C12orf43: variants seen among roughly 807,000 people sequenced by gnomAD.
The protein encoded by C12orf43 is chromosome 12 open reading frame 43.
Under a neutral mutation model 20.6 loss-of-function variants are expected in C12orf43, and 15 were observed. The ratio of observed to expected loss-of-function variants is 0.73; its 90% CI spans 0.49 to 1.12. C12orf43 has a LOEUF of 1.12. Ranked by LOEUF, C12orf43 falls within the 50% of genes most tolerant of loss-of-function variation. C12orf43 has a pLI of 0.00. For missense variants in C12orf43, 334 were observed against 344.4 expected (o/e 0.97, Z 0.24); for synonymous variants, 144 against 130.8 (o/e 1.10, Z -0.69).
Position 121,001,034 on chromosome 12 carries a change from G to A in C12orf43, c.*3119C>T, listed in dbSNP as rs1375749907. 1.2e-6 allele frequency: 2 copies of A among 1,611,562 alleles called. No individual in the cohort carries two copies. Among genetic ancestry groups the A allele is most frequent in the Non-Finnish European group, 1.7e-6 (2 of 1,179,708 alleles). ...GGTGGGGTGGGTGTGGGTGCCTGGT[G>A]GGTGGCTAGCAGCCTTGTTTGCCTC... On this transcript the variant is annotated 3_prime_UTR_variant, in exon 6 of 6. Coordinates refer to ENST00000288757, the MANE Select transcript of C12orf43 (RefSeq NM_022895.3).
Position 121,002,434 on chromosome 12 carries a change from C to T in C12orf43, c.*1719G>A. The T allele has an allele frequency of 1.9e-6, 1 of 531,766 alleles. No homozygotes were observed. Among genetic ancestry groups the T allele is most frequent in the Non-Finnish European group, 3.7e-6 (1 of 273,918 alleles). The allele number at this position is 531,766 out of a possible 1,614,324, so 32.9% of individuals were successfully genotyped here. On this transcript the variant is annotated 3_prime_UTR_variant, in exon 6 of 6. Transcript: ENST00000288757. ...AAAAGGCCTGGGGTGACCCGGCACC[C>T]CCTGCAGCTTGTAGCCAGCCGGGGC...
chr12:121,010,195 TG>T (rs1878337348), intron 3 of C12orf43, among the ~76,000 whole-genome samples: 1 of 152,134 alleles, frequency 6.6e-6, no homozygotes, highest in Non-Finnish European at 1.5e-5. Flanking sequence ...TCCAGCTACT[TG>T]GGAGGCTGAG....
rs751678756 is a variant in C12orf43 at position 121,016,426 on chromosome 12, T to C, written c.49A>G (p.Ser17Gly). Residue 17 changes from serine to glycine, a missense_variant, in exon 1 of 6, where the codon AGT (serine) becomes GGT (glycine). Ser to Gly is a moderately conservative substitution (Grantham distance 56). Coordinates refer to ENST00000288757, the MANE Select transcript of C12orf43 (RefSeq NM_022895.3). ...TVSDSESSNS[S>G]SDAEELERCR... ...CGCTCCAGCTCCTCCGCATCGCTACTGCTGTTACTACTTTCCGAATCGCTC... is the reference window on the plus strand; with the variant it reads ...CGCTCCAGCTCCTCCGCATCGCTACCGCTGTTACTACTTTCCGAATCGCTC... 6 of 1,614,076 alleles carry C rather than the reference T, an allele frequency of 3.7e-6. No individual in the cohort carries two copies. The South Asian group carries it at 5.5e-5, about 15-fold the overall frequency.
rs1423802487 is a variant in C12orf43 at position 121,011,121 on chromosome 12, G to A, written c.171C>T (p.Thr57=). ...RAGAANSQLS[T]SQPSLRHKVN... The stretch of plus-strand genomic sequence containing the variant: ...CATAGTACCTGAGGCTCGGTTGGGA[G>A]GTTGACAACTGGCTATTTGCAGCAC... The change falls in exon 2 of 6, where the codon ACC becomes ACT. Residue 57 remains threonine, a synonymous_variant. Coordinates refer to ENST00000288757, the MANE Select transcript of C12orf43 (RefSeq NM_022895.3). 1 of 1,614,000 alleles carries A rather than the reference G, an allele frequency of 6.2e-7. No individual in the cohort carries two copies. The highest frequency in any genetic ancestry group is 8.5e-7 in the Non-Finnish European group (1 of 1,179,962).
chr12:121,015,385 C>T (rs1341300036), intron 1 of C12orf43, among the ~76,000 whole-genome samples: 2 of 152,194 alleles, frequency 1.3e-5, no homozygotes, highest in Non-Finnish European at 2.9e-5. Flanking sequence ...ACAAATCCAG[C>T]GGTTCTTAAC....
intron 1 of C12orf43, among the ~76,000 whole-genome samples, chr12:121,012,131 G>T (rs1308325293): frequency 6.6e-6 from 1 of 152,172 alleles, no homozygotes; most frequent in Non-Finnish European, 1.5e-5. Context: ...CACTGATAAG[G>T]CAACATTTGA....
Position 121,002,176 on chromosome 12 carries a change from A to G in C12orf43, c.*1977T>C. 2.1e-6 allele frequency: 1 copy of G among 482,466 alleles called. No individual in the cohort carries two copies. The highest frequency in any genetic ancestry group is 4.0e-6 in the Non-Finnish European group (1 of 251,322). 29.9% of individuals were successfully genotyped at this position (482,466 alleles called of 1,614,324 possible). A position where few individuals can be genotyped will look rare whatever the true frequency, so the allele number is the denominator to read the frequency against. On this transcript the variant is annotated 3_prime_UTR_variant, in exon 6 of 6. Transcript: ENST00000288757. The stretch of plus-strand genomic sequence containing the variant: ...CCAAGCTGAGGTGCCCAGGAGAAGA[A>G]AGAGGTGACCCCAGGGCACAGGAGC...
intron 1 of C12orf43, among the ~76,000 whole-genome samples, chr12:121,015,817 G>T (rs1271364759): frequency 2.6e-5 from 4 of 152,236 alleles, no homozygotes; most frequent in Non-Finnish European, 2.9e-5. Flanking sequence ...GAGATGAATA[G>T]AAAGCAAAGA....
intron 1 of C12orf43, among the ~76,000 whole-genome samples, chr12:121,015,511 G>A (rs1020159999): frequency 2.6e-5 from 4 of 152,200 alleles, no homozygotes; most frequent in African/African-American, 4.8e-5. Context: ...CAATGATACC[G>A]AAATTTAATT....
chr12:121,011,204 T>C (rs1878432697), intron 1 of C12orf43, 58 bp from the exon 2 acceptor site: 3 of 1,476,208 alleles, frequency 2.0e-6, no homozygotes, highest in Non-Finnish European at 1.9e-6. Flanking sequence ...CAACAACAAA[T>C]GCGTGCCAGG....
chr12:121,012,767 G>C, intron 1 of C12orf43: 1 of 250,766 alleles, frequency 4.0e-6, no homozygotes, highest in South Asian at 4.1e-5. Context: ...CAGGAGAATC[G>C]CTCGAACCCA....
Position 121,010,328 on chromosome 12 carries a change from A to C in C12orf43, c.287+500T>G, listed in dbSNP as rs529829811. On this transcript the variant is annotated intron_variant, in intron 3 of 5. Coordinates refer to ENST00000288757, the MANE Select transcript of C12orf43 (RefSeq NM_022895.3). ...TCTCAAAAAACAAAACAAAACAAAA[A>C]AATGTGGGCTTGGAGTCAGACGCAC... Among the ~76,000 whole-genome samples, 3 of 152,250 alleles carry C rather than the reference A, an allele frequency of 2.0e-5. No homozygotes were observed. The South Asian group carries it at 6.2e-4, about 32-fold the overall frequency.
chr12:121,004,030 C>T lies in C12orf43; in HGVS notation c.*123G>A, dbSNP rs754957883. 37 of 1,120,438 alleles carry T rather than the reference C, an allele frequency of 3.3e-5. No individual in the cohort carries two copies. The South Asian group carries it at 4.7e-4, about 14-fold the overall frequency. The allele number at this position is 1,120,438 out of a possible 1,614,324, so 69.4% of individuals were successfully genotyped here. A position where few individuals can be genotyped will look rare whatever the true frequency, so the allele number is the denominator to read the frequency against. On this transcript the variant is annotated 3_prime_UTR_variant, in exon 6 of 6. Coordinates refer to ENST00000288757, the MANE Select transcript of C12orf43 (RefSeq NM_022895.3). This position sits in a 1 kb window ranked among gnomAD's most constrained non-coding sequence, Gnocchi z 5.6. The stretch of plus-strand genomic sequence containing the variant: ...TCACCATCAGGGTCTCATGGGCAGT[C>T]TGGGTTTGCCAGCCCAGTCCTTGAA...
chr12:121,014,196 G>A (rs974895822), intron 1 of C12orf43, among the ~76,000 whole-genome samples: 1 of 151,952 alleles, frequency 6.6e-6, no homozygotes, highest in East Asian at 1.9e-4. Context: ...GCTGGGCCTG[G>A]TGGTGGGCAC....
chr12:121,001,446 G>A lies in C12orf43; in HGVS notation c.*2707C>T. 2 of 541,490 alleles carry A rather than the reference G, an allele frequency of 3.7e-6. No homozygotes were observed. Among genetic ancestry groups the A allele is most frequent in the Non-Finnish European group, 6.7e-6 (2 of 298,724 alleles). 33.5% of individuals were successfully genotyped at this position (541,490 alleles called of 1,614,324 possible). Reference sequence around the variant, plus strand: ...CAAAGCCTGTTCATGGCAGATGTAGGAGGGACTGTCGCTGCTTCGTGGGAT... The same window carrying A: ...CAAAGCCTGTTCATGGCAGATGTAGAAGGGACTGTCGCTGCTTCGTGGGAT... On this transcript the variant is annotated 3_prime_UTR_variant, in exon 6 of 6. Transcript: ENST00000288757.
intron 3 of C12orf43, among the ~76,000 whole-genome samples, chr12:121,010,274 G>A (rs541222691): frequency 2.0e-5 from 3 of 152,322 alleles, no homozygotes; most frequent in South Asian, 2.1e-4. Flanking sequence ...GCCACTGCAC[G>A]CCAGCATGGG....
In C12orf43 at chr12:121,013,965, A is replaced by T. The variant is rs529050739; in HGVS notation, c.145+2365T>A. 3.9e-5 allele frequency among the ~76,000 whole-genome samples: 6 copies of T among 152,320 alleles called. No homozygotes were observed. In the East Asian group the frequency reaches 9.6e-4, roughly 24 times the overall value. ...GGGAAGATGAAAACAGACAACAAAT[A>T]CAAAGTGTTTAGAACAGGGGCAAAA... is the stretch of plus-strand genomic sequence containing the variant. On this transcript the variant is annotated intron_variant, in intron 1 of 5. Coordinates refer to ENST00000288757, the MANE Select transcript of C12orf43 (RefSeq NM_022895.3).
At chr12:121,010,748 A>G in intron 3 of C12orf43, 80 bp downstream of exon 3, 4 of 1,151,126 alleles carry the variant, frequency 3.5e-6, no homozygotes. Flanking sequence ...CAGCCTGGAC[A>G]CCGTGAGCTC....
Position 121,004,236 on chromosome 12 carries a change from T to C in C12orf43, c.706A>G (p.Lys236Glu). 6.2e-7 allele frequency: 1 copy of C among 1,614,234 alleles called. No homozygotes were observed. Among genetic ancestry groups the C allele is most frequent in the East Asian group, 2.2e-5 (1 of 44,892 alleles). Residue 236 changes from lysine (K) to glutamate (E), a missense_variant, in exon 6 of 6, where the codon AAA becomes GAA. Coordinates refer to ENST00000288757, the MANE Select transcript of C12orf43 (RefSeq NM_022895.3). The surrounding 1 kb of genome is among the most constrained non-coding windows in gnomAD (Gnocchi z 5.6). ...GCCTTCTTTGCCTTTTTCTTCTTTT[T>C]GGTCCCAAGCGACACCTGGTCCCCG... ...LNGDQVSLGTKKKKKAKKASE... is the reference protein window; with the variant it reads ...LNGDQVSLGTEKKKKAKKASE...
Sources: gnomAD v4.1 joint callset for allele counts (sites outside exome capture counted in the v4.1 genomes callset) on GRCh38, gnomAD v4.1.1 for gene constraint, Gnocchi (gnomAD v3.1) non-coding constraint, MANE v1.5 for transcripts, NCBI Gene and HGNC (gene_info 2026-07-23, HGNC 2026-07-21) for gene names.